The following SPMIP2 variants were observed in gnomAD, a reference collection of about 807,000 sequenced individuals.
The protein encoded by SPMIP2 is protein SPMIP2.
chr4:158,966,811 TC>T, the SPMIP2 span, among the ~76,000 whole-genome samples: 1 of 152,326 alleles, frequency 6.6e-6, no homozygotes, highest in South Asian at 2.1e-4. Flanking sequence ...TTTCCTTTTT[TC>T]CCCTAAATTT....
the SPMIP2 span, among the ~76,000 whole-genome samples, chr4:159,017,666 A>G: frequency 6.6e-6 from 1 of 152,180 alleles, no homozygotes; most frequent in Non-Finnish European, 1.5e-5. Context: ...AGAGTTCCAG[A>G]AGTCCTGGTT....
the SPMIP2 span, chr4:159,035,213 A>AC: frequency 2.6e-6 from 2 of 765,540 alleles, no homozygotes; most frequent in East Asian, 5.3e-5. Flanking sequence ...TGTGACCTGC[A>AC]CCAGGTGGTT....
the SPMIP2 span, among the ~76,000 whole-genome samples, chr4:159,012,117 T>C: frequency 6.6e-6 from 1 of 151,456 alleles, no homozygotes; most frequent in Non-Finnish European, 1.5e-5. Flanking sequence ...TTGAAAATAA[T>C]TATAAAGAAA....
At chr4:158,917,720 CTTTTTTTTTTTTT>C in the SPMIP2 span, among the ~76,000 whole-genome samples, 1 of 70,290 alleles carries the variant, frequency 1.4e-5, no homozygotes, top group Non-Finnish European at 2.6e-5. Flanking sequence ...CACTATTTGA[CTTTTTTTTTTTTT>C]TTTTTTTTTT....
the SPMIP2 span, among the ~76,000 whole-genome samples, chr4:158,979,991 C>A: frequency 6.6e-6 from 1 of 151,988 alleles, no homozygotes; most frequent in Non-Finnish European, 1.5e-5. Context: ...CTGAAACCGA[C>A]CTGGGACGCT....
At chr4:158,904,665 A>G in the SPMIP2 span, 1 of 869,010 alleles carries the variant, frequency 1.2e-6, no homozygotes, top group Admixed American at 2.4e-5. Context: ...CAGTCATTCC[A>G]CCTTTTTGTT....
At chr4:158,970,087 C>T in the SPMIP2 span, among the ~76,000 whole-genome samples, 1 of 152,156 alleles carries the variant, frequency 6.6e-6, no homozygotes, top group Non-Finnish European at 1.5e-5. Flanking sequence ...TGCCACCACT[C>T]TTGTATAGTC....
At chr4:159,062,596 C>T in the SPMIP2 span, among the ~76,000 whole-genome samples, 1 of 152,156 alleles carries the variant, frequency 6.6e-6, no homozygotes, top group Admixed American at 6.5e-5. Context: ...CCTCACCTGA[C>T]TCTTGACTAG....
chr4:158,994,778 C>T, the SPMIP2 span, among the ~76,000 whole-genome samples: 44 of 152,272 alleles, frequency 2.9e-4, no homozygotes, highest in South Asian at 3.1e-3. Flanking sequence ...CTCTAATGGG[C>T]ACGTCTGACA....
At chr4:158,982,737 A>C in the SPMIP2 span, among the ~76,000 whole-genome samples, 1 of 152,208 alleles carries the variant, frequency 6.6e-6, no homozygotes, top group African/African-American at 2.4e-5. Flanking sequence ...TTTAGAGGGA[A>C]ATTTATAGAG....
At chr4:159,011,502 G>A in the SPMIP2 span, among the ~76,000 whole-genome samples, 4 of 152,168 alleles carry the variant, frequency 2.6e-5, no homozygotes. Flanking sequence ...TGTAATCCCA[G>A]CACTTTGGGA....
chr4:159,004,777 T>G, the SPMIP2 span, among the ~76,000 whole-genome samples: 3 of 151,394 alleles, frequency 2.0e-5, no homozygotes, highest in Non-Finnish European at 4.4e-5. Flanking sequence ...TGTCAAGCTG[T>G]TTTTTTTACC....
the SPMIP2 span, among the ~76,000 whole-genome samples, chr4:158,971,172 C>T: frequency 2.0e-5 from 3 of 152,118 alleles, no homozygotes; most frequent in African/African-American, 7.2e-5. Context: ...AGAGGCTATA[C>T]ACACTCAAGA....
chr4:158,972,632 C>G, the SPMIP2 span, among the ~76,000 whole-genome samples: 1 of 152,174 alleles, frequency 6.6e-6, no homozygotes, highest in African/African-American at 2.4e-5. Flanking sequence ...ACAACATACC[C>G]TGAATTATTA....
the SPMIP2 span, among the ~76,000 whole-genome samples, chr4:159,010,667 C>T: frequency 0.73 from 111,608 of 151,980 alleles, 41,405 homozygotes; most frequent in East Asian, 0.97. Flanking sequence ...ACCATGTGGC[C>T]CAATCGGGGC....
chr4:158,984,652 T>G, the SPMIP2 span, among the ~76,000 whole-genome samples: 1 of 151,900 alleles, frequency 6.6e-6, no homozygotes, highest in Non-Finnish European at 1.5e-5. Flanking sequence ...GGGAAATTTA[T>G]AGCACTAAAT....
the SPMIP2 span, among the ~76,000 whole-genome samples, chr4:158,953,742 G>A: frequency 2.6e-5 from 4 of 152,202 alleles, no homozygotes; most frequent in African/African-American, 7.2e-5. Flanking sequence ...AAGACCATGG[G>A]AACCTACCTC....
the SPMIP2 span, among the ~76,000 whole-genome samples, chr4:159,077,134 C>A: frequency 6.6e-6 from 1 of 151,812 alleles, no homozygotes; most frequent in African/African-American, 2.4e-5. Flanking sequence ...CTGCGCCTGG[C>A]CTAAACAGAT....
At chr4:159,027,091 G>A in the SPMIP2 span, among the ~76,000 whole-genome samples, 2 of 151,770 alleles carry the variant, frequency 1.3e-5, no homozygotes, top group East Asian at 3.9e-4. Context: ...GTCACCTATA[G>A]ATAAGGCTTT....
Sources: gnomAD v4.1 joint callset for allele counts (sites outside exome capture counted in the v4.1 genomes callset) on GRCh38, gnomAD v4.1.1 for gene constraint, MANE v1.5 for transcripts, NCBI Gene and HGNC (gene_info 2026-07-23, HGNC 2026-07-21) for gene names.